NT5C3A: variants seen among roughly 807,000 people sequenced by gnomAD.
NT5C3A encodes 5'-nucleotidase, cytosolic IIIA.
In NT5C3A, 23 loss-of-function variants were observed where a neutral mutation model predicts 40.0. The ratio of observed to expected loss-of-function variants is 0.58; its 90% CI spans 0.41 to 0.81. NT5C3A has a LOEUF of 0.81. NT5C3A is among the 40% of genes least tolerant of loss of function. The pLI is 0.00. For synonymous variants in NT5C3A, 130 were observed against 141.4 expected, an observed-to-expected ratio of 0.92 and a Z score of 0.57; for missense variants, 328 against 403.0, an observed-to-expected ratio of 0.81 and a Z score of 1.59.
chr7:33,024,476 C>G (rs1368161405), intron 2 of NT5C3A, among the ~76,000 whole-genome samples: 1 of 151,866 alleles, frequency 6.6e-6, no homozygotes, highest in Non-Finnish European at 1.5e-5. Flanking sequence ...ATTATATGTT[C>G]TTACTCATAT....
At chr7:33,059,788 G>A (rs746354564) in intron 1 of NT5C3A, among the ~76,000 whole-genome samples, 37 of 152,186 alleles carry the variant, frequency 2.4e-4, no homozygotes, top group Non-Finnish European at 4.6e-4. Context: ...TCTCGGAAAT[G>A]TTTGTCTCCT....
In NT5C3A at chr7:33,035,837, T is replaced by C. The variant is rs573583343; in HGVS notation, c.139-8922A>G. 24 of 935,884 alleles carry C rather than the reference T, an allele frequency of 2.6e-5. No individual in the cohort carries two copies. The East Asian group carries it at 5.3e-4, about 21-fold the overall frequency. The allele number at this position is 935,884 out of a possible 1,614,324, so 58.0% of individuals were successfully genotyped here. A position where few individuals can be genotyped will look rare whatever the true frequency, so the allele number is the denominator to read the frequency against. On this transcript the variant is annotated intron_variant, in intron 1 of 8. Transcript: ENST00000610140. ...GATGCACTGTGAAGAAAGAGTTGTA[T>C]AAAATTTCAGTCCCATAATTATCTG...
At chr7:33,016,641 G>C (rs1583889760) in intron 7 of NT5C3A, among the ~76,000 whole-genome samples, 1 of 135,658 alleles carries the variant, frequency 7.4e-6, no homozygotes. Flanking sequence ...CTGAACTCTA[G>C]CCTGGGCTAC....
chr7:33,049,708 G>C (rs376950123), intron 1 of NT5C3A, among the ~76,000 whole-genome samples: 1 of 151,800 alleles, frequency 6.6e-6, no homozygotes, highest in South Asian at 2.1e-4. Context: ...AGTGGCTCAC[G>C]GCTGTAATCC....
chr7:33,021,520 A>C lies in NT5C3A; in HGVS notation c.355-163T>G, dbSNP rs72555741. On this transcript the variant is annotated intron_variant, in intron 4 of 8. Coordinates refer to ENST00000610140, the MANE Select transcript of NT5C3A (RefSeq NM_001002010.5). The stretch of plus-strand genomic sequence containing the variant: ...TATTTGTTGATCTTAGTTGACATGT[A>C]ATCAAATATACCTGCAAAAAGCTAC... Among the ~76,000 whole-genome samples the C allele has an allele frequency of 6.0e-3, 913 of 152,314 alleles. 9 individuals carry two copies. Among genetic ancestry groups the C allele is most frequent in the African/African-American group, 0.021 (871 of 41,582 alleles).
chr7:33,040,397 C>T (rs1786855279), intron 1 of NT5C3A, among the ~76,000 whole-genome samples: 1 of 152,182 alleles, frequency 6.6e-6, no homozygotes, highest in African/African-American at 2.4e-5. Flanking sequence ...CAGTGATAAT[C>T]CCATTCTATA....
At chr7:33,019,238 A>G (rs903041405) in intron 6 of NT5C3A, among the ~76,000 whole-genome samples, 3 of 151,032 alleles carry the variant, frequency 2.0e-5, no homozygotes, top group Non-Finnish European at 4.4e-5. Context: ...CCTGGGCAAC[A>G]GAGAGAGACC....
chr7:33,017,851 A>G (rs1387615898), intron 6 of NT5C3A, among the ~76,000 whole-genome samples: 1 of 152,216 alleles, frequency 6.6e-6, no homozygotes, highest in Non-Finnish European at 1.5e-5. Flanking sequence ...TTCACTGAAT[A>G]TGAATATAAA....
Position 33,036,081 on chromosome 7 carries a change from T to C in NT5C3A, c.139-9166A>G, listed in dbSNP as rs28501096. The C allele has an allele frequency of 7.6e-4, 714 of 934,800 alleles. 5 individuals carry two copies. The African/African-American group carries it at 0.01, about 13-fold the overall frequency. 57.9% of individuals were successfully genotyped at this position (934,800 alleles called of 1,614,324 possible). On this transcript the variant is annotated intron_variant, in intron 1 of 8. Coordinates refer to ENST00000610140, the MANE Select transcript of NT5C3A (RefSeq NM_001002010.5). ...CAGGTTCTTCCTGTTATGCCAATAATATATTAAGGTGGAATTTTTGGTATG... is the reference window on the plus strand; with the variant it reads ...CAGGTTCTTCCTGTTATGCCAATAACATATTAAGGTGGAATTTTTGGTATG...
Position 33,062,554 on chromosome 7 carries a change from G to A in NT5C3A, c.138+14C>T, listed in dbSNP as rs762754003. The A allele has an allele frequency of 1.2e-6, 2 of 1,607,580 alleles. No homozygotes were observed. The highest frequency in any genetic ancestry group is 1.7e-6 in the Non-Finnish European group (2 of 1,177,166). On this transcript the variant is annotated intron_variant, in intron 1 of 8. Transcript: ENST00000610140. ...CCCTCGCGTGCTCTGGGCGCGCCGA[G>A]CCTCCACACTCACCATCTCGATGAT...
chr7:33,058,794 C>G (rs1345706649), intron 1 of NT5C3A, among the ~76,000 whole-genome samples: 4 of 152,228 alleles, frequency 2.6e-5, no homozygotes, highest in African/African-American at 9.6e-5. Flanking sequence ...CACTACTCCT[C>G]TGCCCACCAA....
chr7:33,062,275 G>T (rs1319644520), intron 1 of NT5C3A, among the ~76,000 whole-genome samples: 2 of 152,208 alleles, frequency 1.3e-5, no homozygotes, highest in African/African-American at 2.4e-5. Context: ...GCCTGTGTCC[G>T]ATTCATCTAT....
chr7:33,044,022 CT>C (rs940403112), intron 1 of NT5C3A, among the ~76,000 whole-genome samples: 19 of 148,634 alleles, frequency 1.3e-4, no homozygotes, highest in East Asian at 7.9e-4. Flanking sequence ...AGTTGGGACA[CT>C]TTTTTTTTTC....
chr7:33,055,021 G>A (rs1001526023), intron 1 of NT5C3A, among the ~76,000 whole-genome samples: 6 of 152,026 alleles, frequency 3.9e-5, no homozygotes, highest in Admixed American at 1.3e-4. Flanking sequence ...ATCTTTACTC[G>A]GGGTAAACAA....
chr7:33,044,096 G>C (rs1487198165), intron 1 of NT5C3A, among the ~76,000 whole-genome samples: 1 of 151,386 alleles, frequency 6.6e-6, no homozygotes, highest in African/African-American at 2.4e-5. Context: ...GCGCTATCTG[G>C]GCTCACCGCA....
At chr7:33,015,613 C>T (rs1785278244) in intron 8 of NT5C3A, 57 bp downstream of exon 8, 2 of 1,130,872 alleles carry the variant, frequency 1.8e-6, no homozygotes, top group Non-Finnish European at 2.7e-6. Flanking sequence ...CAACAATTGC[C>T]TATCAAGTTT....
chr7:33,057,798 G>T (rs1040919985), intron 1 of NT5C3A, among the ~76,000 whole-genome samples: 6 of 152,142 alleles, frequency 3.9e-5, no homozygotes, highest in Middle Eastern at 3.2e-3. Context: ...ATTTAAATTG[G>T]AAATGACCAT....
At chr7:33,020,459 C>T (rs1454924188) in intron 5 of NT5C3A, among the ~76,000 whole-genome samples, 1 of 152,174 alleles carries the variant, frequency 6.6e-6, no homozygotes, top group Admixed American at 6.5e-5. Flanking sequence ...GCTAGACAGG[C>T]TTTTCATTTC....
chr7:33,032,297 C>A (rs189976169), intron 1 of NT5C3A, among the ~76,000 whole-genome samples: 1 of 151,120 alleles, frequency 6.6e-6, no homozygotes, highest in African/African-American at 2.4e-5. Flanking sequence ...GTGGCATACA[C>A]CTGTAACCCT....
Sources: allele counts gnomAD v4.1 joint callset (sites outside exome capture counted in the v4.1 genomes callset), GRCh38; gene constraint gnomAD v4.1.1; transcripts MANE v1.5; gene names NCBI Gene and HGNC (gene_info 2026-07-23, HGNC 2026-07-21).